The following ALPK1 variants were observed in gnomAD, a reference collection of about 807,000 sequenced individuals.
ALPK1 encodes alpha kinase 1.
A neutral mutation model predicts 120.6 loss-of-function variants in ALPK1; 110 were observed. The observed-to-expected ratio is 0.91, with a 90% CI of 0.78 to 1.07. ALPK1 has a LOEUF of 1.07. Among genes scored for constraint, ALPK1 ranks in the 50% least tolerant of loss-of-function variants. ALPK1 has a pLI of 0.00. For synonymous variants in ALPK1, 582 were observed against 560.3 expected (o/e 1.04, Z -0.55); for missense variants, 1,498 against 1,483.9 (o/e 1.01, Z -0.16).
At chr4:112,333,665 C>T (rs752616204) in intron 2 of ALPK1, among the ~76,000 whole-genome samples, 5 of 152,092 alleles carry the variant, frequency 3.3e-5, no homozygotes, top group Non-Finnish European at 7.4e-5. Flanking sequence ...CCCAAAGGAG[C>T]TATATTCCTT....
intron 2 of ALPK1, chr4:112,358,220 T>C (rs1324609597): frequency 1.7e-6 from 1 of 597,234 alleles, no homozygotes; most frequent in South Asian, 1.5e-5. Flanking sequence ...TGTCTTCCTC[T>C]GTGACCACAG....
intron 1 of ALPK1, among the ~76,000 whole-genome samples, chr4:112,310,047 C>T (rs575719646): frequency 6.6e-6 from 1 of 152,164 alleles, no homozygotes; most frequent in South Asian, 2.1e-4. Flanking sequence ...TCTCTGAATT[C>T]CCAGTACCTA....
intron 1 of ALPK1, among the ~76,000 whole-genome samples, chr4:112,305,024 T>C (rs574689703): frequency 1.8e-4 from 28 of 152,274 alleles, no homozygotes; most frequent in African/African-American, 6.7e-4. Flanking sequence ...CCCCATTTCT[T>C]GTTTTTGTCA....
intron 2 of ALPK1, among the ~76,000 whole-genome samples, chr4:112,317,624 T>C (rs926963704): frequency 1.3e-5 from 2 of 152,192 alleles, no homozygotes; most frequent in Non-Finnish European, 2.9e-5. Flanking sequence ...TATGGCTTCA[T>C]TGTAAGTTTT....
At chr4:112,320,893 C>CTTTTTTTTTTTTTTTTTTTTTTTTTTT (rs1430803675) in intron 2 of ALPK1, among the ~76,000 whole-genome samples, 1 of 119,212 alleles carries the variant, frequency 8.4e-6, no homozygotes, top group African/African-American at 3.8e-5. Context: ...TCACCCATTT[C>CTTTTTTTTTTTTTTTTTTTTTTTTTTT]TTTCTTTTTT....
chr4:112,342,192 G>T (rs1158128069), intron 2 of ALPK1, among the ~76,000 whole-genome samples: 1 of 152,160 alleles, frequency 6.6e-6, no homozygotes, highest in Non-Finnish European at 1.5e-5. Context: ...TCCTTTTGTT[G>T]TTGTTGCTGT....
Position 112,440,983 on chromosome 4 carries a change from A to C in ALPK1, c.3605A>C (p.Gln1202Pro). 6.2e-7 allele frequency: 1 copy of C among 1,614,042 alleles called. No individual in the cohort carries two copies. Among genetic ancestry groups the C allele is most frequent in the African/African-American group, 1.3e-5 (1 of 75,046 alleles). ...LTDPQIHSVD[Q>P]KVFTTNFGKR... ...GATCCCCAGATTCACTCCGTTGATCAGAAAGTTTTCACTACCAATTTTGGA... is the reference window on the plus strand; with the variant it reads ...GATCCCCAGATTCACTCCGTTGATCCGAAAGTTTTCACTACCAATTTTGGA... Residue 1202 changes from glutamine to proline, a missense_variant, in exon 15 of 16, where the codon CAG becomes CCG. Transcript: ENST00000650871.
At chr4:112,381,243 T>A (rs1433553317) in intron 3 of ALPK1, among the ~76,000 whole-genome samples, 1 of 151,902 alleles carries the variant, frequency 6.6e-6, no homozygotes, top group Non-Finnish European at 1.5e-5. Context: ...ACCAATTAGG[T>A]TTGGGGAAGA....
chr4:112,431,237 A>G lies in ALPK1; in HGVS notation c.1690A>G (p.Asn564Asp), dbSNP rs775158835. The G allele has an allele frequency of 8.7e-6, 14 of 1,614,056 alleles. No individual in the cohort carries two copies. In the African/African-American group the frequency reaches 1.7e-4, roughly 20 times the overall value. The change falls in exon 11 of 16, where the codon AAT becomes GAT. Residue 564 changes from asparagine to aspartate, a missense_variant. Transcript: ENST00000650871. ...TGAGACTGAGCCATCGGACTACAGC[A>G]ATGGTGAGGGAGCTGTTTTCAACAA... is the stretch of plus-strand genomic sequence containing the variant. ...ETETEPSDYS[N>D]GEGAVFNKSL...
chr4:112,302,273 G>A (rs549004114), intron 1 of ALPK1: 6 of 152,152 alleles, frequency 3.9e-5, no homozygotes, highest in Non-Finnish European at 8.8e-5. Context: ...AAAGGATAAA[G>A]CCTAAAGGCT....
intron 4 of ALPK1, among the ~76,000 whole-genome samples, chr4:112,392,743 C>T (rs1732475669): frequency 6.6e-6 from 1 of 152,012 alleles, no homozygotes; most frequent in Non-Finnish European, 1.5e-5. Flanking sequence ...GTTTCCCAAG[C>T]TGGTCTCAAA....
chr4:112,411,677 C>G, intron 4 of ALPK1, 150 bp from the exon 5 acceptor site: 2 of 688,402 alleles, frequency 2.9e-6, no homozygotes, highest in Non-Finnish European at 4.9e-6. Flanking sequence ...TTTCTATTTT[C>G]TTTCTTTCGG....
chr4:112,431,083 T>C lies in ALPK1; in HGVS notation c.1536T>C (p.Cys512=), dbSNP rs1457274553. 1 of 1,614,084 alleles carries C rather than the reference T, an allele frequency of 6.2e-7. No individual in the cohort carries two copies. Among genetic ancestry groups the C allele is most frequent in the African/African-American group, 1.3e-5 (1 of 74,922 alleles). Residue 512 remains cysteine (C), a synonymous_variant, in exon 11 of 16, where the codon TGT becomes TGC. Coordinates refer to ENST00000650871, the MANE Select transcript of ALPK1 (RefSeq NM_025144.4). ...GTACTACTCAAGAAAAGCCACATTG[T>C]CAAAGAGACACAGGAATATCTTCCT... ...TVSTTQEKPH[C]QRDTGISSSL...
At chr4:112,392,846 T>C (rs1042430517) in intron 4 of ALPK1, among the ~76,000 whole-genome samples, 3 of 152,224 alleles carry the variant, frequency 2.0e-5, no homozygotes, top group Non-Finnish European at 2.9e-5. Context: ...TCCTAAATTA[T>C]ATCCAACTCC....
rs1235442270 is a variant in ALPK1 at position 112,441,054 on chromosome 4, A to G, written c.3676A>G (p.Asn1226Asp). The G allele has an allele frequency of 6.2e-7, 1 of 1,613,860 alleles. No homozygotes were observed. The highest frequency in any genetic ancestry group is 8.5e-7 in the Non-Finnish European group (1 of 1,179,870). ...YFFNNQHVEC[N>D]EICHRLSLTR... ...CTTTAATAACCAGCATGTGGAATGT[A>G]ATGAAATCTGCCATCGTCTTTCTTT... Residue 1226 changes from asparagine to aspartate, a missense_variant, in exon 15 of 16, where the codon AAT becomes GAT. By Grantham distance (23) the Asn-to-Asp change is conservative (BLOSUM62 1). Coordinates refer to ENST00000650871, the MANE Select transcript of ALPK1 (RefSeq NM_025144.4).
rs756428344 is a variant in ALPK1, at chr4:112,438,528, A to G, written c.3233A>G (p.His1078Arg). The G allele has an allele frequency of 6.2e-7, 1 of 1,613,852 alleles. No individual in the cohort carries two copies. The highest frequency in any genetic ancestry group is 8.5e-7 in the Non-Finnish European group (1 of 1,179,798). ...DYKEQKGLWHHFTDVERQMTA... is the reference protein window; with the variant it reads ...DYKEQKGLWHRFTDVERQMTA... ...AAGGAGCAGAAGGGGCTCTGGCACC[A>G]CTTCACTGATGTGGAGCGACAGATG... The change falls in exon 13 of 16, where the codon CAC becomes CGC. Residue 1078 changes from histidine (H) to arginine (R), a missense_variant. His to Arg is a conservative substitution (Grantham distance 29, BLOSUM62 0). Transcript: ENST00000650871.
intron 1 of ALPK1, among the ~76,000 whole-genome samples, chr4:112,305,111 C>T (rs937383977): frequency 1.3e-5 from 2 of 151,986 alleles, no homozygotes; most frequent in African/African-American, 4.8e-5. Context: ...TGATCTATAT[C>T]TCTGTTTTGG....
intron 1 of ALPK1, among the ~76,000 whole-genome samples, chr4:112,308,624 C>G (rs1417789558): frequency 6.6e-6 from 1 of 152,086 alleles, no homozygotes; most frequent in Non-Finnish European, 1.5e-5. Context: ...CTTCTCTACA[C>G]TGGTTATTCT....
intron 2 of ALPK1, chr4:112,357,816 G>A: frequency 9.7e-7 from 1 of 1,033,482 alleles, no homozygotes. Flanking sequence ...ATCCCATCAT[G>A]GAAAAGAGCC....
Sources: allele counts gnomAD v4.1 joint callset (sites outside exome capture counted in the v4.1 genomes callset), GRCh38; gene constraint gnomAD v4.1.1; transcripts MANE v1.5; gene names NCBI Gene and HGNC (gene_info 2026-07-23, HGNC 2026-07-21).